The following PSD3 variants were observed in gnomAD, a reference collection of about 807,000 sequenced individuals.
PSD3 encodes the protein PH and SEC7 domain-containing protein 3.
In PSD3, 49 loss-of-function variants were observed where a neutral mutation model predicts 105.5. That is an observed-to-expected ratio of 0.46 (90% confidence interval 0.37 to 0.59). The LOEUF is 0.59. PSD3 is among the 20% of genes least tolerant of loss of function. The pLI is 0.00. For synonymous variants in PSD3, 557 were observed against 457.8 expected (o/e 1.22, Z -2.77); for missense variants, 1,561 against 1,263.8 (o/e 1.24, Z -3.57).
At chr8:18,572,804 A>G in intron 13 of PSD3, 132 bp from the exon 14 acceptor site, 1 of 1,003,700 alleles carries the variant, frequency 1.0e-6, no homozygotes, top group Non-Finnish European at 1.5e-6. Context: ...CTAATCCCTG[A>G]CAAAACTTCA....
intron 14 of PSD3, among the ~76,000 whole-genome samples, chr8:18,561,031 G>A (rs986672912): frequency 1.3e-5 from 2 of 152,120 alleles, no homozygotes; most frequent in Admixed American, 6.5e-5. Flanking sequence ...CTGTAAGAAG[G>A]CTCCTCAAAA....
At chr8:18,984,670 C>A (rs947338577) in intron 1 of PSD3, among the ~76,000 whole-genome samples, 1 of 152,128 alleles carries the variant, frequency 6.6e-6, no homozygotes, top group Non-Finnish European at 1.5e-5. Context: ...ATTGTAGCTA[C>A]AAAAATGTTG....
At chr8:18,684,271 G>C (rs1203139771) in intron 9 of PSD3, 2 of 186,536 alleles carry the variant, frequency 1.1e-5, no homozygotes, top group Non-Finnish European at 2.1e-5. Context: ...TTCACACACT[G>C]GAACGAATGG....
intron 9 of PSD3, among the ~76,000 whole-genome samples, chr8:18,717,332 A>C (rs1802663886): frequency 6.6e-6 from 1 of 152,192 alleles, no homozygotes; most frequent in South Asian, 2.1e-4. Flanking sequence ...CAATTTAAAA[A>C]TTGTTCCAGA....
intron 9 of PSD3, among the ~76,000 whole-genome samples, chr8:18,764,733 G>A (rs977448130): frequency 1.3e-5 from 2 of 151,980 alleles, no homozygotes; most frequent in South Asian, 2.1e-4. Flanking sequence ...AAACCTATAC[G>A]TGTACTGTTT....
intron 4 of PSD3, among the ~76,000 whole-genome samples, chr8:18,818,643 C>A (rs1464730679): frequency 2.0e-5 from 3 of 151,886 alleles, no homozygotes; most frequent in Non-Finnish European, 4.4e-5. Context: ...ATTAAAGAGA[C>A]CCAGTAGACA....
intron 1 of PSD3, among the ~76,000 whole-genome samples, chr8:18,952,500 T>C (rs982886943): frequency 2.6e-5 from 4 of 152,224 alleles, no homozygotes; most frequent in African/African-American, 9.7e-5. Flanking sequence ...TCAACGCGGT[T>C]AACAGCTTAC....
intron 1 of PSD3, among the ~76,000 whole-genome samples, chr8:19,024,691 C>T (rs945723168): frequency 1.2e-4 from 18 of 152,110 alleles, no homozygotes; most frequent in African/African-American, 2.9e-4. Flanking sequence ...GCCACACAAC[C>T]GACCTCCAGG....
At chr8:18,577,309 T>C (rs1466986047) in intron 12 of PSD3, among the ~76,000 whole-genome samples, 2 of 152,094 alleles carry the variant, frequency 1.3e-5, no homozygotes, top group African/African-American at 2.4e-5. Context: ...GTAAGGTTTT[T>C]CTTGTGGCCA....
rs117547659 is a variant in PSD3 at position 18,878,880 on chromosome 8, T to C, written c.131-6147A>G. Among the ~76,000 whole-genome samples the C allele has an allele frequency of 5.8e-3, 885 of 152,138 alleles. 4 individuals are homozygous for C. The highest frequency in any genetic ancestry group is 9.0e-3 in the Non-Finnish European group (610 of 67,990). Reference sequence around the variant, plus strand: ...CCCATCATGAAGTGTTTTAAGAAAATTGACCATAGTGACTGCTGAAGCTGT... The same window carrying C: ...CCCATCATGAAGTGTTTTAAGAAAACTGACCATAGTGACTGCTGAAGCTGT... On this transcript the variant is annotated intron_variant, in intron 2 of 15. Coordinates refer to ENST00000327040, the MANE Select transcript of PSD3 (RefSeq NM_015310.4).
intron 9 of PSD3, among the ~76,000 whole-genome samples, chr8:18,675,931 C>G (rs1800040990): frequency 6.6e-6 from 1 of 152,112 alleles, no homozygotes; most frequent in African/African-American, 2.4e-5. Flanking sequence ...AATCCCTAAG[C>G]TCTAAGCCAG....
intron 1 of PSD3, among the ~76,000 whole-genome samples, chr8:18,968,877 T>TC (rs1824454611): frequency 8.9e-5 from 1 of 11,198 alleles, no homozygotes. Context: ...AAAAAATGTC[T>TC]CCAAAAAAAA....
At chr8:18,688,177 G>C (rs542917544) in intron 9 of PSD3, among the ~76,000 whole-genome samples, 1 of 152,262 alleles carries the variant, frequency 6.6e-6, no homozygotes, top group African/African-American at 2.4e-5. Context: ...CAAAGATCCT[G>C]GACTCAAGTG....
At chr8:19,005,482 T>G (rs78836072) in intron 1 of PSD3, among the ~76,000 whole-genome samples, 23,261 of 150,460 alleles carry the variant, frequency 0.15, 2,138 homozygotes, top group African/African-American at 0.23. Context: ...ATTTTTGGGG[T>G]TTTTTTGTTT....
intron 2 of PSD3, among the ~76,000 whole-genome samples, chr8:18,894,975 A>G (rs1294501842): frequency 1.3e-5 from 2 of 152,236 alleles, no homozygotes; most frequent in Non-Finnish European, 2.9e-5. Context: ...TCTCACAGAC[A>G]GTGGTCAAGT....
chr8:18,931,394 A>G (rs1355090167), intron 2 of PSD3, among the ~76,000 whole-genome samples: 2 of 152,224 alleles, frequency 1.3e-5, no homozygotes. Flanking sequence ...ATGCTACAGC[A>G]TCCATTCACA....
intron 11 of PSD3, among the ~76,000 whole-genome samples, chr8:18,631,175 T>TA (rs1806869136): frequency 6.6e-6 from 1 of 151,970 alleles, no homozygotes; most frequent in Non-Finnish European, 1.5e-5. Flanking sequence ...TTTGTGGTTG[T>TA]AAAAGGAAAA....
intron 12 of PSD3, among the ~76,000 whole-genome samples, chr8:18,594,673 T>C (rs1293215172): frequency 6.6e-6 from 1 of 151,392 alleles, no homozygotes; most frequent in East Asian, 1.9e-4. Context: ...CTAGGACCCC[T>C]GATGGACACC....
chr8:18,896,203 T>C (rs1819138189), intron 2 of PSD3, among the ~76,000 whole-genome samples: 1 of 152,278 alleles, frequency 6.6e-6, no homozygotes, highest in South Asian at 2.1e-4. Flanking sequence ...CACATTTTCT[T>C]TATGCTTTCA....
Sources: gnomAD v4.1 joint callset for allele counts (sites outside exome capture counted in the v4.1 genomes callset) on GRCh38, gnomAD v4.1.1 for gene constraint, MANE v1.5 for transcripts, NCBI Gene and HGNC (gene_info 2026-07-23, HGNC 2026-07-21) for gene names.